Variants in RGS21 observed in about 807,000 individuals in gnomAD.
RGS21 encodes the protein regulator of G-protein signalling 21.
In RGS21, 19 loss-of-function variants were observed where a neutral mutation model predicts 18.7. The observed-to-expected ratio is 1.01, with a 90% CI of 0.71 to 1.49. RGS21 has a LOEUF of 1.49. RGS21 is among the 40% of genes most tolerant of loss of function. The probability of loss-of-function intolerance (pLI) is 0.00; values close to 1 mark genes in which losing one functional copy is unlikely to be tolerated. For missense variants in RGS21, 194 were observed against 176.8 expected (o/e 1.10, Z -0.55); for synonymous variants, 56 against 57.8 (o/e 0.97, Z 0.14).
At chr1:192,329,733 A>G (rs1465390780) in intron 1 of RGS21, among the ~76,000 whole-genome samples, 2 of 150,884 alleles carry the variant, frequency 1.3e-5, no homozygotes, top group African/African-American at 4.9e-5. Context: ...AGTACAGATG[A>G]GAAAAGGGGG....
At chr1:192,350,179 T>C (rs1659020049) in intron 3 of RGS21, among the ~76,000 whole-genome samples, 1 of 152,216 alleles carries the variant, frequency 6.6e-6, no homozygotes, top group African/African-American at 2.4e-5. Context: ...CACTCTCCAG[T>C]ATTTCAACCA....
At chr1:192,337,716 T>G (rs932530087) in intron 1 of RGS21, among the ~76,000 whole-genome samples, 1 of 152,134 alleles carries the variant, frequency 6.6e-6, no homozygotes, top group Non-Finnish European at 1.5e-5. Flanking sequence ...ACAGATCAAA[T>G]GATAACAAAT....
chr1:192,350,257 T>G (rs933334242), intron 3 of RGS21, among the ~76,000 whole-genome samples: 8 of 152,210 alleles, frequency 5.3e-5, no homozygotes, highest in African/African-American at 1.9e-4. Flanking sequence ...TCAAATAACT[T>G]TAAAAAAATC....
In RGS21 at chr1:192,351,817, CTA is replaced by C. The variant is rs961590091; in HGVS notation, c.89-224_89-223del. Among the ~76,000 whole-genome samples the C allele has an allele frequency of 5.7e-4, 83 of 146,360 alleles. 1 individual carries two copies. Among genetic ancestry groups the C allele is most frequent in the Non-Finnish European group, 9.8e-4 (65 of 66,662 alleles). On this transcript the variant is annotated intron_variant, in intron 3 of 4. Coordinates refer to ENST00000417209, the MANE Select transcript of RGS21 (RefSeq NM_001039152.3). ...ATATAGCACATATAACATATATGTG[CTA>C]TATATGTGTTATATATGTTATATAT...
intron 1 of RGS21, among the ~76,000 whole-genome samples, chr1:192,328,634 G>A (rs995946558): frequency 6.6e-6 from 1 of 152,128 alleles, no homozygotes; most frequent in Non-Finnish European, 1.5e-5. Context: ...GGTAAAGTGT[G>A]TCTAATGGGA....
chr1:192,349,927 C>A (rs1659012475), intron 3 of RGS21, among the ~76,000 whole-genome samples: 1 of 152,140 alleles, frequency 6.6e-6, no homozygotes, highest in Non-Finnish European at 1.5e-5. Flanking sequence ...AGGCATGAAT[C>A]TACAATATTC....
intron 1 of RGS21, among the ~76,000 whole-genome samples, chr1:192,321,858 G>A (rs1658502670): frequency 6.6e-6 from 1 of 151,612 alleles, no homozygotes; most frequent in African/African-American, 2.4e-5. Context: ...CCTTATATTA[G>A]AATTGAAAAC....
chr1:192,365,859 T>G (rs2102240578), intron 4 of RGS21, 62 bp from the exon 5 acceptor site: 1 of 887,004 alleles, frequency 1.1e-6, no homozygotes, highest in East Asian at 2.5e-5. Context: ...ATAATATATA[T>G]GTATAAACTA....
At chr1:192,330,004 A>G (rs1288377953) in intron 1 of RGS21, among the ~76,000 whole-genome samples, 2 of 152,150 alleles carry the variant, frequency 1.3e-5, no homozygotes, top group Non-Finnish European at 2.9e-5. Flanking sequence ...TAAACATTTT[A>G]TATTTCTACG....
Position 192,366,172 on chromosome 1 carries a change from T to A in RGS21, c.*48T>A. On this transcript the variant is annotated 3_prime_UTR_variant, in exon 5 of 5. Coordinates refer to ENST00000417209, the MANE Select transcript of RGS21 (RefSeq NM_001039152.3). ...ACTATACTTCAGGGCTACAATATTT[T>A]AAATATACAAGCATGATGCATTGTC... The A allele has an allele frequency of 9.1e-7, 1 of 1,103,058 alleles. No individual in the cohort carries two copies. The highest frequency in any genetic ancestry group is 1.4e-6 in the Non-Finnish European group (1 of 733,650). 68.3% of individuals were successfully genotyped at this position (1,103,058 alleles called of 1,614,324 possible).
chr1:192,324,164 A>C (rs1312643823), intron 1 of RGS21, among the ~76,000 whole-genome samples: 1 of 113,098 alleles, frequency 8.8e-6, no homozygotes, highest in South Asian at 2.6e-4. Context: ...CAGCATAAAG[A>C]GTTTTCTTTA....
At chr1:192,365,025 A>T (rs189481679) in intron 4 of RGS21, among the ~76,000 whole-genome samples, 1 of 152,042 alleles carries the variant, frequency 6.6e-6, no homozygotes, top group East Asian at 1.9e-4. Flanking sequence ...AATCCCAGCT[A>T]CTAGGGAGGC....
intron 2 of RGS21, among the ~76,000 whole-genome samples, chr1:192,346,538 T>C (rs1658946429): frequency 6.6e-6 from 1 of 152,112 alleles, no homozygotes; most frequent in African/African-American, 2.4e-5. Context: ...TAGGGGCTTA[T>C]TTCATCAGGA....
At chr1:192,356,462 TA>T (rs1225164489) in intron 4 of RGS21, among the ~76,000 whole-genome samples, 3 of 151,734 alleles carry the variant, frequency 2.0e-5, no homozygotes. Flanking sequence ...GGTTAAAAAA[TA>T]AAGTGTATAG....
In RGS21 at chr1:192,365,902, G is replaced by T; in HGVS notation, c.256-19G>T. 1 of 1,415,542 alleles carries T rather than the reference G, an allele frequency of 7.1e-7. No individual in the cohort carries two copies. The highest frequency in any genetic ancestry group is 1.0e-6 in the Non-Finnish European group (1 of 1,004,982). 87.7% of individuals were successfully genotyped at this position (1,415,542 alleles called of 1,614,324 possible). A position where few individuals can be genotyped will look rare whatever the true frequency, so the allele number is the denominator to read the frequency against. On this transcript the variant is annotated intron_variant, in intron 4 of 4. Coordinates refer to ENST00000417209, the MANE Select transcript of RGS21 (RefSeq NM_001039152.3). ...TTTGATTAAACTAATTCAATGATATGCAACCTTATTTTCCACAGATTAACA... is the reference window on the plus strand; with the variant it reads ...TTTGATTAAACTAATTCAATGATATTCAACCTTATTTTCCACAGATTAACA...
In RGS21 at chr1:192,322,800, C is replaced by G. The variant is rs1007311201; in HGVS notation, c.-61+5695C>G. ...TTCTAATAACTGCAAAAAGTTTACT[C>G]TGTCAAAATAAGCATTATTTAAATT... On this transcript the variant is annotated intron_variant, in intron 1 of 4. Transcript: ENST00000417209. Among the ~76,000 whole-genome samples, 12 of 152,076 alleles carry G rather than the reference C, an allele frequency of 7.9e-5. 1 individual carries two copies. The highest frequency in any genetic ancestry group is 1.7e-4 in the African/African-American group (7 of 41,414).
At chr1:192,335,094 A>G (rs1222153389) in intron 1 of RGS21, among the ~76,000 whole-genome samples, 1 of 152,170 alleles carries the variant, frequency 6.6e-6, no homozygotes, top group Non-Finnish European at 1.5e-5. Flanking sequence ...CCTAAAAAAA[A>G]TCATTTCATG....
At chr1:192,328,153 G>T (rs769870877) in intron 1 of RGS21, among the ~76,000 whole-genome samples, 1 of 152,170 alleles carries the variant, frequency 6.6e-6, no homozygotes, top group Admixed American at 6.6e-5. Flanking sequence ...ATGGACACAC[G>T]TGATTGATCC....
At chr1:192,351,828 TTA>T (rs973370233) in intron 3 of RGS21, among the ~76,000 whole-genome samples, 24 of 148,220 alleles carry the variant, frequency 1.6e-4, no homozygotes, top group Admixed American at 2.7e-4. Context: ...TATATATGTG[TTA>T]TATATGTTAT....
Sources: allele counts gnomAD v4.1 joint callset (sites outside exome capture counted in the v4.1 genomes callset), GRCh38; gene constraint gnomAD v4.1.1; transcripts MANE v1.5; gene names NCBI Gene and HGNC (gene_info 2026-07-23, HGNC 2026-07-21).